The following MARCHF3 variants were observed in gnomAD, a reference collection of about 807,000 sequenced individuals.
MARCHF3 encodes the protein membrane associated ring-CH-type finger 3, also known as E3 ubiquitin-protein ligase MARCHF3.
A neutral mutation model predicts 24.2 loss-of-function variants in MARCHF3; 13 were observed. The observed-to-expected ratio is 0.54, with a 90% confidence interval of 0.35 to 0.85. The LOEUF is 0.85. Among genes scored for constraint, MARCHF3 ranks in the 40% least tolerant of loss-of-function variants. MARCHF3 has a pLI of 0.01. For synonymous variants in MARCHF3, 144 were observed against 137.3 expected, an observed-to-expected ratio of 1.05 and a Z score of -0.34; for missense variants, 276 against 325.0, an observed-to-expected ratio of 0.85 and a Z score of 1.16.
chr5:126,910,996 G>A (rs560948413), intron 3 of MARCHF3, among the ~76,000 whole-genome samples: 8 of 152,284 alleles, frequency 5.3e-5, no homozygotes, highest in African/African-American at 1.4e-4. Context: ...TTTTATGGTC[G>A]AAGCTGTAGG....
chr5:126,905,425 T>C (rs2126785785), intron 3 of MARCHF3, among the ~76,000 whole-genome samples: 1 of 145,886 alleles, frequency 6.9e-6, no homozygotes, highest in South Asian at 2.2e-4. Flanking sequence ...ATTTTCACGA[T>C]ATTGATTCTT....
chr5:126,955,601 C>T (rs1479224480), intron 1 of MARCHF3, among the ~76,000 whole-genome samples: 1 of 152,096 alleles, frequency 6.6e-6, no homozygotes, highest in East Asian at 1.9e-4. Context: ...TCTTTAAATC[C>T]GCTCCTCTGT....
At chr5:127,015,637 G>T (rs1752616543) in intron 1 of MARCHF3, among the ~76,000 whole-genome samples, 1 of 152,152 alleles carries the variant, frequency 6.6e-6, no homozygotes, top group Non-Finnish European at 1.5e-5. Flanking sequence ...AAAATCTGAG[G>T]TAAAGCTATT....
intron 3 of MARCHF3, among the ~76,000 whole-genome samples, chr5:126,894,436 T>C (rs1429726296): frequency 1.3e-5 from 2 of 151,594 alleles, no homozygotes; most frequent in Non-Finnish European, 2.9e-5. Context: ...CGGTTGTTCC[T>C]TTCCATGTTT....
At chr5:126,987,476 T>G (rs557123148) in intron 1 of MARCHF3, among the ~76,000 whole-genome samples, 3 of 152,340 alleles carry the variant, frequency 2.0e-5, no homozygotes, top group South Asian at 2.1e-4. Flanking sequence ...ATTTCTGGCA[T>G]GTCTGCCTGC....
At chr5:127,029,155 G>A (rs961553763) in intron 1 of MARCHF3, among the ~76,000 whole-genome samples, 1 of 152,160 alleles carries the variant, frequency 6.6e-6, no homozygotes, top group African/African-American at 2.4e-5. Context: ...TGACCCAAGG[G>A]AAGTTCAAGG....
intron 1 of MARCHF3, among the ~76,000 whole-genome samples, chr5:126,920,085 A>C (rs993660163): frequency 1.3e-5 from 2 of 152,226 alleles, no homozygotes; most frequent in African/African-American, 2.4e-5. Context: ...TGTTATAAAA[A>C]CTATGGAAGA....
intron 3 of MARCHF3, among the ~76,000 whole-genome samples, chr5:126,887,850 C>T (rs920921405): frequency 6.6e-6 from 1 of 152,208 alleles, no homozygotes; most frequent in African/African-American, 2.4e-5. Context: ...CAAACCAGCA[C>T]ACACAAACCC....
chr5:126,976,785 T>C (rs1751214750), intron 1 of MARCHF3, among the ~76,000 whole-genome samples: 1 of 152,228 alleles, frequency 6.6e-6, no homozygotes, highest in Non-Finnish European at 1.5e-5. Context: ...GCCCCGATCC[T>C]GGCAGCAGGG....
chr5:126,955,447 C>T (rs991130460), intron 1 of MARCHF3, among the ~76,000 whole-genome samples: 1 of 152,206 alleles, frequency 6.6e-6, no homozygotes, highest in African/African-American at 2.4e-5. Context: ...ACACTACATG[C>T]CCAGTTTCGT....
chr5:126,942,344 TA>T (rs1251720841), intron 1 of MARCHF3, among the ~76,000 whole-genome samples: 1 of 152,098 alleles, frequency 6.6e-6, no homozygotes, highest in Non-Finnish European at 1.5e-5. Flanking sequence ...AGCATGAAAA[TA>T]GCTGCAAACA....
chr5:127,020,382 G>A (rs1423785722), intron 1 of MARCHF3, among the ~76,000 whole-genome samples: 1 of 152,162 alleles, frequency 6.6e-6, no homozygotes, highest in African/African-American at 2.4e-5. Context: ...GTTGTAAGGA[G>A]GTAGACTTAC....
At chr5:126,889,790 C>T (rs1018227931) in intron 3 of MARCHF3, among the ~76,000 whole-genome samples, 3 of 152,152 alleles carry the variant, frequency 2.0e-5, no homozygotes, top group African/African-American at 7.2e-5. Flanking sequence ...CTTGAGGCAG[C>T]GGCTTAAGTT....
intron 3 of MARCHF3, among the ~76,000 whole-genome samples, chr5:126,909,189 A>G (rs1253716040): frequency 2.0e-5 from 3 of 152,102 alleles, no homozygotes; most frequent in Non-Finnish European, 4.4e-5. Flanking sequence ...TCAGATCTCC[A>G]GCTGCATGCT....
chr5:126,916,901 A>G (rs1430519586), intron 2 of MARCHF3, among the ~76,000 whole-genome samples: 1 of 152,198 alleles, frequency 6.6e-6, no homozygotes, highest in Non-Finnish European at 1.5e-5. Context: ...CCAATTGTTA[A>G]AAGTTCTCCA....
At chr5:126,985,937 C>T (rs144393632) in intron 1 of MARCHF3, among the ~76,000 whole-genome samples, 351 of 152,272 alleles carry the variant, frequency 2.3e-3, no homozygotes, top group Admixed American at 5.9e-3. Flanking sequence ...ACAAGGAACA[C>T]AGTGGGGTGG....
chr5:126,924,471 T>C (rs1270166136), intron 1 of MARCHF3, among the ~76,000 whole-genome samples: 1 of 152,158 alleles, frequency 6.6e-6, no homozygotes, highest in Non-Finnish European at 1.5e-5. Flanking sequence ...TCTTTACACT[T>C]TGAATTCTAA....
intron 3 of MARCHF3, among the ~76,000 whole-genome samples, chr5:126,886,875 C>T (rs1753526324): frequency 6.6e-6 from 1 of 152,158 alleles, no homozygotes; most frequent in African/African-American, 2.4e-5. Flanking sequence ...TTATTTCTCC[C>T]TTTCTTCATT....
intron 3 of MARCHF3, among the ~76,000 whole-genome samples, chr5:126,896,030 T>C (rs111791483): frequency 0.095 from 14,442 of 152,200 alleles, 1,612 homozygotes; most frequent in African/African-American, 0.26. Flanking sequence ...TTTTTAAGCC[T>C]GTCGGAAAAG....
Sources: gnomAD v4.1 joint callset for allele counts (sites outside exome capture counted in the v4.1 genomes callset) on GRCh38, gnomAD v4.1.1 for gene constraint, MANE v1.5 for transcripts, NCBI Gene and HGNC (gene_info 2026-07-23, HGNC 2026-07-21) for gene names.